GFM1: variants seen among roughly 807,000 people sequenced by gnomAD.
GFM1 encodes G elongation factor mitochondrial 1.
GFM1 carries 62 observed loss-of-function variants against 96.2 expected under a neutral mutation model. The observed-to-expected ratio is 0.64, with a 90% CI of 0.53 to 0.80. GFM1 has a LOEUF of 0.80. Among genes scored for constraint, GFM1 ranks in the 30% least tolerant of loss-of-function variants. The probability of loss-of-function intolerance (pLI) is 0.00; values close to 1 mark genes in which losing one functional copy is unlikely to be tolerated. For missense variants in GFM1, 852 were observed against 916.6 expected (o/e 0.93, Z 0.91); for synonymous variants, 282 against 312.9 (o/e 0.90, Z 1.04).
intron 9 of GFM1, among the ~76,000 whole-genome samples, chr3:158,659,289 C>T (rs1047909497): frequency 6.6e-6 from 1 of 152,038 alleles, no homozygotes; most frequent in African/African-American, 2.4e-5. Context: ...TATATTTTCT[C>T]AAGGGCCAAG....
rs1726504227 is a variant in GFM1, at chr3:158,695,370, A to G, written c.*3903A>G. ...GCACTCCAGCACTCCAGCCTAGGCA[A>G]CAGAGTGAGACTCTGTCTCAAAAAA... On this transcript the variant is annotated 3_prime_UTR_variant, in exon 18 of 18. Coordinates refer to ENST00000486715, the MANE Select transcript of GFM1 (RefSeq NM_024996.7). 6.6e-6 allele frequency: 1 copy of G among 152,194 alleles called. No homozygotes were observed. Among genetic ancestry groups the G allele is most frequent in the Admixed American group, 6.5e-5 (1 of 15,276 alleles). 9.4% of individuals were successfully genotyped at this position (152,194 alleles called of 1,614,324 possible). A position where few individuals can be genotyped will look rare whatever the true frequency, so the allele number is the denominator to read the frequency against.
At chr3:158,684,961 C>G in intron 15 of GFM1, 1 of 283,722 alleles carries the variant, frequency 3.5e-6, no homozygotes, top group Non-Finnish European at 6.7e-6. Flanking sequence ...CTGAAATGTT[C>G]AGAATTCTAG....
intron 8 of GFM1, 148 bp from the exon 9 acceptor site, chr3:158,658,774 A>G (rs1289057538): frequency 1.3e-6 from 1 of 762,832 alleles, no homozygotes; most frequent in African/African-American, 1.7e-5. Context: ...CAAAGCTAGT[A>G]TTAGTTTATG....
intron 10 of GFM1, 117 bp from the exon 11 acceptor site, chr3:158,662,511 C>T (rs1723272766): frequency 1.4e-6 from 1 of 716,246 alleles, no homozygotes; most frequent in East Asian, 2.5e-5. Context: ...AGCCTAAAGA[C>T]ATAGGCTACT....
At position 158,681,983 on chromosome 3, in the gene GFM1, A is replaced by C; in HGVS notation, c.1602-12A>C. Reference sequence around the variant, plus strand: ...ATAATGCTCCATTTTTTTTTTCCTAAATCACTTTCAGGTTTGACTTTACAC... The same window carrying C: ...ATAATGCTCCATTTTTTTTTTCCTACATCACTTTCAGGTTTGACTTTACAC... On this transcript the variant is annotated splice_polypyrimidine_tract_variant and intron_variant, in intron 13 of 17. Transcript: ENST00000486715. 1 of 1,608,630 alleles carries C rather than the reference A, an allele frequency of 6.2e-7. No individual in the cohort carries two copies. The highest frequency in any genetic ancestry group is 8.5e-7 in the Non-Finnish European group (1 of 1,177,208).
intron 13 of GFM1, among the ~76,000 whole-genome samples, chr3:158,671,569 A>G (rs1368271302): frequency 1.3e-5 from 2 of 152,230 alleles, no homozygotes; most frequent in Non-Finnish European, 2.9e-5. Context: ...TTAAATCAAG[A>G]TACAGATTGA....
intron 13 of GFM1, chr3:158,672,509 C>T: frequency 1.2e-6 from 2 of 1,612,522 alleles, no homozygotes; most frequent in South Asian, 1.1e-5. Context: ...AGGGCTTGGG[C>T]TACTCTGGCT....
At chr3:158,646,126 A>T (rs1721773933) in intron 2 of GFM1, 39 bp from the exon 3 acceptor site, 1 of 1,613,528 alleles carries the variant, frequency 6.2e-7, no homozygotes, top group South Asian at 1.1e-5. Context: ...CTTGGAATGC[A>T]GGGACAGAGA....
At position 158,644,621 on chromosome 3, in the gene GFM1, GCTCTGCGC is replaced by G. The variant is rs1560126544; in HGVS notation, c.-13_-6del. 1 of 1,562,972 alleles carries G rather than the reference GCTCTGCGC, an allele frequency of 6.4e-7. No homozygotes were observed. Among genetic ancestry groups the G allele is most frequent in the Non-Finnish European group, 8.7e-7 (1 of 1,154,064 alleles). On this transcript the variant is annotated 5_prime_UTR_variant, in exon 1 of 18. Transcript: ENST00000486715. Reference sequence around the variant, plus strand: ...CCGGCGCCACGGGACTTTGACGCGTGCTCTGCGCTTGCCATGAGACTCCTGGGAGCTGC... The same window carrying G: ...CCGGCGCCACGGGACTTTGACGCGTGTTGCCATGAGACTCCTGGGAGCTGC...
chr3:158,695,298 C>T lies in GFM1; in HGVS notation c.*3831C>T, dbSNP rs934967456. On this transcript the variant is annotated 3_prime_UTR_variant, in exon 18 of 18. Transcript: ENST00000486715. ...CTGAGGCAGGAGGGTCGCTTGAACCCGGAAGGCGGAGGCTATAGTGAGCTG... is the reference window on the plus strand; with the variant it reads ...CTGAGGCAGGAGGGTCGCTTGAACCTGGAAGGCGGAGGCTATAGTGAGCTG... 5 of 152,062 alleles carry T rather than the reference C, an allele frequency of 3.3e-5. No individual in the cohort carries two copies. The highest frequency in any genetic ancestry group is 1.2e-4 in the African/African-American group (5 of 41,376). 9.4% of individuals were successfully genotyped at this position (152,062 alleles called of 1,614,324 possible). A position where few individuals can be genotyped will look rare whatever the true frequency, so the allele number is the denominator to read the frequency against.
intron 7 of GFM1, among the ~76,000 whole-genome samples, chr3:158,653,757 TAA>T (rs11457459): frequency 1.4e-5 from 2 of 147,534 alleles, no homozygotes; most frequent in Admixed American, 6.8e-5. Context: ...GACATACTGT[TAA>T]AAAAAAAAAA....
intron 10 of GFM1, among the ~76,000 whole-genome samples, chr3:158,661,615 C>T (rs1441438233): frequency 4.6e-5 from 7 of 152,188 alleles, no homozygotes; most frequent in Non-Finnish European, 8.8e-5. Context: ...GAATTCCCTT[C>T]ACTCACTCAC....
intron 11 of GFM1, among the ~76,000 whole-genome samples, chr3:158,664,035 C>T (rs1163568625): frequency 6.6e-6 from 1 of 152,150 alleles, no homozygotes; most frequent in Non-Finnish European, 1.5e-5. Context: ...AGCTGTGTGG[C>T]CTTGAACAAA....
intron 8 of GFM1, among the ~76,000 whole-genome samples, chr3:158,654,874 T>G (rs940992778): frequency 6.6e-6 from 1 of 152,204 alleles, no homozygotes; most frequent in Non-Finnish European, 1.5e-5. Flanking sequence ...ACTACCTGTA[T>G]AGTTTTGTCC....
rs139680551 is a variant in GFM1 at position 158,684,589 on chromosome 3, C to T, written c.1830C>T (p.Val610=). The T allele has an allele frequency of 2.7e-5, 44 of 1,613,928 alleles. No homozygotes were observed. Among genetic ancestry groups the T allele is most frequent in the Middle Eastern group, 3.3e-4 (2 of 6,084 alleles). Reference sequence around the variant, plus strand: ...ACAAGCTCTCTGGGCTCCGGTTTGTCCTGCAAGATGGAGCACACCACATGG... The same window carrying T: ...ACAAGCTCTCTGGGCTCCGGTTTGTTCTGCAAGATGGAGCACACCACATGG... ...SGHKLSGLRF[V]LQDGAHHMVD... The change falls in exon 15 of 18, where the codon GTC becomes GTT. Residue 610 remains valine, a synonymous_variant. Coordinates refer to ENST00000486715, the MANE Select transcript of GFM1 (RefSeq NM_024996.7).
At chr3:158,644,773 TG>T in intron 1 of GFM1, 58 bp downstream of exon 1, 1 of 1,436,996 alleles carries the variant, frequency 7.0e-7, no homozygotes, top group South Asian at 1.2e-5. Flanking sequence ...TGATCCCTTC[TG>T]GGCAATGGAA....
intron 15 of GFM1, 42 bp from the exon 16 acceptor site, chr3:158,690,121 T>G (rs1726183239): frequency 5.2e-6 from 8 of 1,549,790 alleles, no homozygotes; most frequent in Non-Finnish European, 7.1e-6. Context: ...AGAGTTGTAG[T>G]TTGTATGAAG....
chr3:158,684,631 C>G lies in GFM1; in HGVS notation c.1872C>G (p.Ile624Met). ...GAHHMVDSNE[I>M]SFIRAGEGAL... is the part of the protein sequence containing the mutation. ...ACCACATGGTTGATTCTAATGAAAT[C>G]TCTTTCATCCGAGCAGGAGAAGGTG... The change falls in exon 15 of 18, where the codon ATC becomes ATG. Residue 624 changes from isoleucine to methionine, a missense_variant. Ile to Met is a conservative substitution (Grantham distance 10). Coordinates refer to ENST00000486715, the MANE Select transcript of GFM1 (RefSeq NM_024996.7). 6.2e-7 allele frequency: 1 copy of G among 1,614,050 alleles called. No individual in the cohort carries two copies. Among genetic ancestry groups the G allele is most frequent in the Non-Finnish European group, 8.5e-7 (1 of 1,179,962 alleles).
intron 1 of GFM1, among the ~76,000 whole-genome samples, chr3:158,645,425 G>T (rs1289464100): frequency 6.6e-6 from 1 of 152,082 alleles, no homozygotes; most frequent in Non-Finnish European, 1.5e-5. Flanking sequence ...AATTTTAAAA[G>T]AATACGTCTT....
Sources: allele counts gnomAD v4.1 joint callset (sites outside exome capture counted in the v4.1 genomes callset), GRCh38; gene constraint gnomAD v4.1.1; transcripts MANE v1.5; gene names NCBI Gene and HGNC (gene_info 2026-07-23, HGNC 2026-07-21).